The following RBMS3 variants were observed in gnomAD, a reference collection of about 807,000 sequenced individuals.
RBMS3 encodes RNA binding motif single stranded interacting protein 3, also known as RNA-binding motif, single-stranded-interacting protein 3.
RBMS3 carries 27 observed loss-of-function variants against 66.8 expected under a neutral mutation model. The ratio of observed to expected loss-of-function variants is 0.40; its 90% CI spans 0.30 to 0.56. RBMS3 has a LOEUF of 0.56. RBMS3 is among the 20% of genes least tolerant of loss of function. The pLI is 0.40. For synonymous variants in RBMS3, 188 were observed against 183.0 expected (o/e 1.03, Z -0.22); for missense variants, 513 against 549.5 (o/e 0.93, Z 0.66).
At chr3:29,651,380 A>T (rs2050138846) in intron 4 of RBMS3, among the ~76,000 whole-genome samples, 1 of 152,176 alleles carries the variant, frequency 6.6e-6, no homozygotes, top group Non-Finnish European at 1.5e-5. Flanking sequence ...GGAGTGTCTA[A>T]CGTGATTATT....
At chr3:29,365,890 CCTT>C (rs2037873606) in intron 1 of RBMS3, among the ~76,000 whole-genome samples, 1 of 152,162 alleles carries the variant, frequency 6.6e-6, no homozygotes, top group Admixed American at 6.6e-5. Context: ...AACACTGCCT[CCTT>C]AACATTTGTG....
At chr3:29,685,206 C>T (rs925792026) in intron 4 of RBMS3, among the ~76,000 whole-genome samples, 9 of 151,916 alleles carry the variant, frequency 5.9e-5, no homozygotes, top group East Asian at 1.9e-4. Context: ...CTACAGGCGC[C>T]CGCCACCACG....
chr3:29,531,514 A>AATG (rs1220516449), intron 3 of RBMS3, among the ~76,000 whole-genome samples: 1 of 152,212 alleles, frequency 6.6e-6, no homozygotes, highest in East Asian at 1.9e-4. Flanking sequence ...AGGAAACACA[A>AATG]ATGATATGAT....
intron 4 of RBMS3, among the ~76,000 whole-genome samples, chr3:29,679,594 A>G (rs1002377309): frequency 6.6e-6 from 1 of 152,096 alleles, no homozygotes; most frequent in African/African-American, 2.4e-5. Flanking sequence ...CAGGCCAAGC[A>G]GTGAACCCTT....
intron 10 of RBMS3, among the ~76,000 whole-genome samples, chr3:29,905,840 G>GCAGC (rs1324107390): frequency 6.6e-6 from 1 of 152,132 alleles, no homozygotes; most frequent in African/African-American, 2.4e-5. Flanking sequence ...TGGGCTGCAT[G>GCAGC]CAGCCAGTGG....
intron 3 of RBMS3, among the ~76,000 whole-genome samples, chr3:29,506,870 A>G (rs1688924375): frequency 6.6e-6 from 1 of 151,726 alleles, no homozygotes. Flanking sequence ...GTTGGTATAT[A>G]ATTGTTCATA....
At chr3:29,537,265 T>C (rs1401755710) in intron 3 of RBMS3, among the ~76,000 whole-genome samples, 2 of 152,206 alleles carry the variant, frequency 1.3e-5, no homozygotes, top group Non-Finnish European at 1.5e-5. Flanking sequence ...AAATGGTTTG[T>C]CAGGACTCTA....
At chr3:29,314,621 G>A (rs2034567448) in intron 1 of RBMS3, among the ~76,000 whole-genome samples, 2 of 151,644 alleles carry the variant, frequency 1.3e-5, no homozygotes, top group African/African-American at 2.4e-5. Flanking sequence ...ATTACATCCT[G>A]TTTTTATCTC....
intron 3 of RBMS3, among the ~76,000 whole-genome samples, chr3:29,573,142 A>G (rs2046999837): frequency 6.6e-6 from 1 of 151,978 alleles, no homozygotes; most frequent in African/African-American, 2.4e-5. Context: ...TTCTTTTGAG[A>G]TGGAGTCTTG....
At chr3:29,836,533 A>T (rs1236715260) in intron 6 of RBMS3, among the ~76,000 whole-genome samples, 1 of 152,018 alleles carries the variant, frequency 6.6e-6, no homozygotes, top group Non-Finnish European at 1.5e-5. Context: ...GCACAGAAGG[A>T]TCGTTACCAG....
intron 3 of RBMS3, among the ~76,000 whole-genome samples, chr3:29,521,147 A>G (rs1268191827): frequency 1.3e-5 from 2 of 152,124 alleles, no homozygotes; most frequent in African/African-American, 4.8e-5. Context: ...TTATATTAAT[A>G]TTTAAAATTA....
chr3:29,884,478 G>A (rs1182870980), intron 8 of RBMS3, among the ~76,000 whole-genome samples: 5 of 24,536 alleles, frequency 2.0e-4, no homozygotes, highest in African/African-American at 5.2e-4. Flanking sequence ...CTCCCCCCCC[G>A]CTCCCTCCCT....
At chr3:29,425,322 C>A (rs1298854476) in intron 1 of RBMS3, among the ~76,000 whole-genome samples, 2 of 151,578 alleles carry the variant, frequency 1.3e-5, no homozygotes, top group Admixed American at 6.6e-5. Flanking sequence ...TGCAGTGAGC[C>A]GAGATTGTGC....
intron 6 of RBMS3, among the ~76,000 whole-genome samples, chr3:29,807,002 A>G (rs1235947180): frequency 6.6e-6 from 1 of 151,910 alleles, no homozygotes; most frequent in African/African-American, 2.4e-5. Context: ...CAACTCATCT[A>G]CTTTGACTAT....
intron 1 of RBMS3, among the ~76,000 whole-genome samples, chr3:29,409,625 A>G (rs953530709): frequency 1.3e-5 from 2 of 152,204 alleles, no homozygotes; most frequent in African/African-American, 4.8e-5. Flanking sequence ...ATAAGCTCCA[A>G]TGTGTGGGAG....
chr3:29,429,130 G>A lies in RBMS3; in HGVS notation c.76-5613G>A, dbSNP rs2041083124. ...CTGGAGTCAGAGTCCCTGGCCTCAA[G>A]TTGGGCTCCAGCTGTGTGACCTTGA... On this transcript the variant is annotated intron_variant, in intron 1 of 14. Coordinates refer to ENST00000383767, the MANE Select transcript of RBMS3 (RefSeq NM_001003793.3). Among the ~76,000 whole-genome samples, 3 of 152,110 alleles carry A rather than the reference G, an allele frequency of 2.0e-5. No homozygotes were observed. The South Asian group carries it at 6.2e-4, about 32-fold the overall frequency.
chr3:29,306,237 G>A (rs2034004209), intron 1 of RBMS3, among the ~76,000 whole-genome samples: 1 of 151,896 alleles, frequency 6.6e-6, no homozygotes. Flanking sequence ...GCTTATCAAA[G>A]GGTAAGGCAC....
At chr3:29,528,180 T>G (rs1396052087) in intron 3 of RBMS3, among the ~76,000 whole-genome samples, 1 of 149,058 alleles carries the variant, frequency 6.7e-6, no homozygotes, top group Non-Finnish European at 1.5e-5. Context: ...TGGCATGATC[T>G]AGGCTCACTG....
chr3:29,360,647 T>G (rs1575612765), intron 1 of RBMS3, among the ~76,000 whole-genome samples: 1 of 152,010 alleles, frequency 6.6e-6, no homozygotes, highest in African/African-American at 2.4e-5. Flanking sequence ...GACAGTGGAG[T>G]GTTAAAGTCT....
Sources: allele counts gnomAD v4.1 joint callset (sites outside exome capture counted in the v4.1 genomes callset), GRCh38; gene constraint gnomAD v4.1.1; transcripts MANE v1.5; gene names NCBI Gene and HGNC (gene_info 2026-07-23, HGNC 2026-07-21).